The following PDE1C variants were observed in gnomAD, a reference collection of about 807,000 sequenced individuals.
The protein encoded by PDE1C is phosphodiesterase 1C.
In PDE1C, 62 loss-of-function variants were observed where a neutral mutation model predicts 93.1. That is an observed-to-expected ratio of 0.67 (90% CI 0.54 to 0.82). The LOEUF (loss-of-function observed/expected upper bound fraction) is 0.82, where lower values mean the gene tolerates loss of function less well. Among genes scored for constraint, PDE1C ranks in the 40% least tolerant of loss-of-function variants. PDE1C has a pLI of 0.00. For synonymous variants in PDE1C, 325 were observed against 310.1 expected (o/e 1.05, Z -0.50); for missense variants, 742 against 884.6 (o/e 0.84, Z 2.04).
At chr7:31,735,449 G>A in the PDE1C span, among the ~76,000 whole-genome samples, 2 of 149,314 alleles carry the variant, frequency 1.3e-5, no homozygotes. Flanking sequence ...AGTGTCATGA[G>A]GGCAGTATAA....
At chr7:32,186,833 A>C (rs1262081314) in intron 2 of PDE1C, among the ~76,000 whole-genome samples, 1 of 152,178 alleles carries the variant, frequency 6.6e-6, no homozygotes, top group Non-Finnish European at 1.5e-5. Flanking sequence ...AAAGGACCAT[A>C]TCTAGCATAG....
At chr7:32,306,981 C>G (rs1322004390) in intron 1 of PDE1C, among the ~76,000 whole-genome samples, 1 of 152,182 alleles carries the variant, frequency 6.6e-6, no homozygotes, top group Non-Finnish European at 1.5e-5. Context: ...TGATTCCGGA[C>G]TCTCTCAAGG....
At chr7:31,893,941 C>T (rs1798954540) in intron 2 of PDE1C, among the ~76,000 whole-genome samples, 1 of 152,142 alleles carries the variant, frequency 6.6e-6, no homozygotes, top group Admixed American at 6.5e-5. Context: ...AATCTGGGAA[C>T]ATACTTTGTA....
At chr7:31,705,489 G>A in the PDE1C span, among the ~76,000 whole-genome samples, 4 of 152,180 alleles carry the variant, frequency 2.6e-5, 1 homozygote, top group Admixed American at 2.0e-4. Context: ...TTTCATAAGT[G>A]ATTTATGCAA....
At chr7:31,953,237 G>A (rs368027496) in intron 2 of PDE1C, among the ~76,000 whole-genome samples, 8 of 152,250 alleles carry the variant, frequency 5.3e-5, no homozygotes, top group South Asian at 4.1e-4. Context: ...ACAGGTTTGC[G>A]ACGGTGCTGA....
intron 1 of PDE1C, among the ~76,000 whole-genome samples, chr7:32,292,216 C>G (rs1202511427): frequency 6.6e-6 from 1 of 151,944 alleles, no homozygotes; most frequent in Non-Finnish European, 1.5e-5. Context: ...TATTTTAGGA[C>G]TACATTGAAA....
In PDE1C at chr7:32,359,646, T is replaced by C. The variant is rs115170391; in HGVS notation, c.310+68176A>G. Among the ~76,000 whole-genome samples the C allele has an allele frequency of 6.1e-3, 930 of 152,358 alleles. 10 individuals carry two copies. The highest frequency in any genetic ancestry group is 0.021 in the African/African-American group (881 of 41,582). On this transcript the variant is annotated intron_variant, in intron 1 of 1. Coordinates refer to the PDE1C transcript ENST00000672256. Reference sequence around the variant, plus strand: ...TAATCACTATGTTTTATTGTGTTTCTATAAATGATCATTCTTTTTACCTTA... The same window carrying C: ...TAATCACTATGTTTTATTGTGTTTCCATAAATGATCATTCTTTTTACCTTA...
At chr7:31,936,330 A>C (rs1057480323) in intron 2 of PDE1C, among the ~76,000 whole-genome samples, 2 of 151,990 alleles carry the variant, frequency 1.3e-5, no homozygotes, top group African/African-American at 4.8e-5. Flanking sequence ...CAAAAAGCCA[A>C]TGGAAAGGAT....
At chr7:32,253,349 A>T (rs7798739) in intron 1 of PDE1C, among the ~76,000 whole-genome samples, 83,132 of 152,078 alleles carry the variant, frequency 0.55, 24,730 homozygotes, top group Admixed American at 0.67. Flanking sequence ...GCTTCTGTAA[A>T]TAGCCTTTCT....
At chr7:31,939,204 C>A (rs190857073) in intron 2 of PDE1C, among the ~76,000 whole-genome samples, 1 of 151,958 alleles carries the variant, frequency 6.6e-6, no homozygotes, top group East Asian at 1.9e-4. Flanking sequence ...CTGTTAAACA[C>A]ACAGAGAGAG....
At chr7:31,620,327 G>A in the PDE1C span, among the ~76,000 whole-genome samples, 1 of 152,042 alleles carries the variant, frequency 6.6e-6, no homozygotes, top group Non-Finnish European at 1.5e-5. Context: ...CCTGACCCCT[G>A]ACCCCTGAGC....
At position 32,338,934 on chromosome 7, in the gene PDE1C, T is replaced by C. The variant is rs965164350; in HGVS notation, c.310+88888A>G. 3.2e-3 allele frequency among the ~76,000 whole-genome samples: 479 copies of C among 149,736 alleles called. 3 individuals carry two copies. Among genetic ancestry groups the C allele is most frequent in the African/African-American group, 0.011 (450 of 40,414 alleles). On this transcript the variant is annotated intron_variant, in intron 1 of 1. Transcript: ENST00000672256. Reference sequence around the variant, plus strand: ...AGGAGAATGGCATGAACCTGGGAGGTGGAGCTTGCAGTGACCCGAGATCGT... The same window carrying C: ...AGGAGAATGGCATGAACCTGGGAGGCGGAGCTTGCAGTGACCCGAGATCGT...
At chr7:32,091,160 T>C (rs1176979701) in intron 3 of PDE1C, among the ~76,000 whole-genome samples, 1 of 152,194 alleles carries the variant, frequency 6.6e-6, no homozygotes, top group Admixed American at 6.5e-5. Flanking sequence ...GAATTAATTA[T>C]TAGTATTTCA....
intron 2 of PDE1C, among the ~76,000 whole-genome samples, chr7:31,958,767 T>C (rs560750541): frequency 5.3e-5 from 8 of 152,278 alleles, no homozygotes; most frequent in African/African-American, 1.7e-4. Flanking sequence ...ATTTTGGAAT[T>C]CTAGAGAAGT....
At chr7:31,645,925 G>A in the PDE1C span, among the ~76,000 whole-genome samples, 148,953 of 152,158 alleles carry the variant, frequency 0.98, 72,914 homozygotes, top group East Asian at 1. Context: ...ACCCGATCAC[G>A]TAGTTTGTAA....
In PDE1C at chr7:31,795,296, A is replaced by G. The variant is rs79901352; in HGVS notation, c.1891+13735T>C. Among the ~76,000 whole-genome samples the G allele has an allele frequency of 8.4e-3, 1,281 of 152,012 alleles. 14 individuals are homozygous for G. The highest frequency in any genetic ancestry group is 0.029 in the African/African-American group (1,213 of 41,530). On this transcript the variant is annotated intron_variant, in intron 16 of 17. Coordinates refer to ENST00000396191, the MANE Select transcript of PDE1C (RefSeq NM_001191057.4). The stretch of plus-strand genomic sequence containing the variant: ...GTTAATAGAGTTTCTTTTGGCAAAT[A>G]TATTGTTACTTGTGTTTCTCCAATC...
At chr7:32,200,477 G>A (rs191824912) in intron 2 of PDE1C, among the ~76,000 whole-genome samples, 64 of 152,270 alleles carry the variant, frequency 4.2e-4, no homozygotes, top group Non-Finnish European at 6.6e-4. Context: ...ATGCTAATGG[G>A]TGCATTTTGT....
chr7:32,313,188 T>G (rs1325516332), intron 1 of PDE1C, among the ~76,000 whole-genome samples: 1 of 152,068 alleles, frequency 6.6e-6, no homozygotes, highest in Non-Finnish European at 1.5e-5. Flanking sequence ...GAAATGCAAA[T>G]CAAAACCACA....
chr7:32,041,527 C>G (rs1445705303), intron 2 of PDE1C, among the ~76,000 whole-genome samples: 1 of 152,180 alleles, frequency 6.6e-6, no homozygotes, highest in Non-Finnish European at 1.5e-5. Context: ...AGGCAGTGAC[C>G]TCACGAACTT....
Sources: allele counts gnomAD v4.1 joint callset (sites outside exome capture counted in the v4.1 genomes callset), GRCh38; gene constraint gnomAD v4.1.1; transcripts MANE v1.5; gene names NCBI Gene and HGNC (gene_info 2026-07-23, HGNC 2026-07-21).